RBMS3: variants seen among roughly 807,000 people sequenced by gnomAD.
RBMS3 encodes the protein RNA binding motif single stranded interacting protein 3.
In RBMS3, 27 loss-of-function variants were observed where a neutral mutation model predicts 66.8. That is an observed-to-expected ratio of 0.40 (90% CI 0.30 to 0.56). The LOEUF (loss-of-function observed/expected upper bound fraction) is 0.56. Among genes scored for constraint, RBMS3 ranks in the 20% least tolerant of loss-of-function variants. RBMS3 has a pLI of 0.40. For missense variants in RBMS3, 513 were observed against 549.5 expected, an observed-to-expected ratio of 0.93 and a Z score of 0.66; for synonymous variants, 188 against 183.0, an observed-to-expected ratio of 1.03 and a Z score of -0.22.
At chr3:29,823,757 A>T (rs1174428931) in intron 6 of RBMS3, among the ~76,000 whole-genome samples, 4 of 152,154 alleles carry the variant, frequency 2.6e-5, no homozygotes, top group Non-Finnish European at 5.9e-5. Context: ...AGGTGAACAC[A>T]TGTGCTTATT....
chr3:29,536,166 G>T (rs1344367804), intron 3 of RBMS3, among the ~76,000 whole-genome samples: 1 of 152,042 alleles, frequency 6.6e-6, no homozygotes, highest in African/African-American at 2.4e-5. Flanking sequence ...AAAAATGTCT[G>T]GGAAAGGCAA....
At chr3:29,797,759 G>A (rs181568279) in intron 6 of RBMS3, 3 of 152,234 alleles carry the variant, frequency 2.0e-5, no homozygotes, top group African/African-American at 4.8e-5. Flanking sequence ...AGGTGTGATC[G>A]ATAGGTTAAT....
intron 13 of RBMS3, 56 bp downstream of exon 13, chr3:29,988,279 T>C: frequency 7.0e-7 from 1 of 1,418,674 alleles, no homozygotes. Flanking sequence ...CAGTCACATA[T>C]ACTGTAGTCC....
rs185881506 is a variant in RBMS3, at chr3:29,367,555, A to G, written c.76-67188A>G. Among the ~76,000 whole-genome samples the G allele has an allele frequency of 3.7e-3, 565 of 152,288 alleles. 1 individual carries two copies. Among genetic ancestry groups the G allele is most frequent in the African/African-American group, 0.013 (530 of 41,588 alleles). On this transcript the variant is annotated intron_variant, in intron 1 of 14. Transcript: ENST00000383767. ...TATTGATATTTATAATCAGAAACACATAATAAATAGTATGTTGTTTACAAA... is the reference window on the plus strand; with the variant it reads ...TATTGATATTTATAATCAGAAACACGTAATAAATAGTATGTTGTTTACAAA...
intron 11 of RBMS3, among the ~76,000 whole-genome samples, chr3:29,937,699 G>A (rs1255039989): frequency 2.6e-5 from 4 of 151,850 alleles, no homozygotes; most frequent in South Asian, 2.1e-4. Flanking sequence ...TTTAGAAATC[G>A]TGTCTAAGAT....
At chr3:29,476,612 G>T (rs529684465) in intron 2 of RBMS3, among the ~76,000 whole-genome samples, 1 of 152,090 alleles carries the variant, frequency 6.6e-6, no homozygotes, top group Non-Finnish European at 1.5e-5. Flanking sequence ...GGAGATTAAC[G>T]TATTGACAAA....
At chr3:29,533,471 G>A (rs1311079571) in intron 3 of RBMS3, among the ~76,000 whole-genome samples, 1 of 152,018 alleles carries the variant, frequency 6.6e-6, no homozygotes, top group African/African-American at 2.4e-5. Flanking sequence ...GACACAGTGA[G>A]GCCCTATCTC....
intron 6 of RBMS3, among the ~76,000 whole-genome samples, chr3:29,810,460 C>A (rs772718267): frequency 2.0e-5 from 3 of 152,084 alleles, no homozygotes; most frequent in Non-Finnish European, 4.4e-5. Flanking sequence ...ATTTCAAATG[C>A]ACATATAAAC....
chr3:29,893,570 G>T (rs1007961401), intron 8 of RBMS3, among the ~76,000 whole-genome samples: 4 of 151,468 alleles, frequency 2.6e-5, no homozygotes, highest in African/African-American at 9.7e-5. Context: ...GTGGCCTTGG[G>T]TGCCTCACGT....
intron 6 of RBMS3, among the ~76,000 whole-genome samples, chr3:29,813,213 T>C (rs545906534): frequency 6.6e-6 from 1 of 152,260 alleles, no homozygotes; most frequent in South Asian, 2.1e-4. Context: ...AGGCCATTCT[T>C]TTTTTCAATA....
At chr3:29,443,908 TGAGG>T (rs1252629519) in intron 2 of RBMS3, among the ~76,000 whole-genome samples, 2 of 152,124 alleles carry the variant, frequency 1.3e-5, no homozygotes, top group Non-Finnish European at 2.9e-5. Context: ...TTGAGCATCT[TGAGG>T]GATGACTCCT....
At chr3:29,514,759 G>C (rs2044554995) in intron 3 of RBMS3, among the ~76,000 whole-genome samples, 1 of 144,184 alleles carries the variant, frequency 6.9e-6, no homozygotes, top group Non-Finnish European at 1.5e-5. Flanking sequence ...ATATATATAA[G>C]CATATATACG....
intron 2 of RBMS3, among the ~76,000 whole-genome samples, chr3:29,457,222 G>A (rs1211702671): frequency 6.6e-6 from 1 of 152,144 alleles, no homozygotes; most frequent in East Asian, 1.9e-4. Context: ...TCTTCTAGAT[G>A]TCTCTCGAGT....
chr3:29,623,419 C>T (rs1489521602), intron 4 of RBMS3, among the ~76,000 whole-genome samples: 1 of 151,364 alleles, frequency 6.6e-6, no homozygotes, highest in South Asian at 2.1e-4. Context: ...GGTGAAACCC[C>T]GTCTCTACTA....
chr3:29,949,622 A>G (rs1695545615), intron 12 of RBMS3, among the ~76,000 whole-genome samples: 1 of 151,866 alleles, frequency 6.6e-6, no homozygotes, highest in Non-Finnish European at 1.5e-5. Context: ...CAGAAATATC[A>G]GAAAATCTGA....
chr3:29,422,510 T>A (rs918466731), intron 1 of RBMS3, among the ~76,000 whole-genome samples: 2 of 152,030 alleles, frequency 1.3e-5, no homozygotes, highest in Non-Finnish European at 2.9e-5. Flanking sequence ...GTGCATTGAC[T>A]TAAAATATAC....
chr3:29,325,940 T>C (rs2035310062), intron 1 of RBMS3, among the ~76,000 whole-genome samples: 1 of 152,148 alleles, frequency 6.6e-6, no homozygotes, highest in African/African-American at 2.4e-5. Context: ...TCATATTTCA[T>C]TAATTTCCCC....
chr3:29,707,054 C>T (rs952515617), intron 4 of RBMS3, among the ~76,000 whole-genome samples: 1 of 152,092 alleles, frequency 6.6e-6, no homozygotes, highest in Non-Finnish European at 1.5e-5. Flanking sequence ...GGGGTCTATA[C>T]ATTAATTGTC....
At chr3:29,707,778 A>G (rs1410129401) in intron 4 of RBMS3, among the ~76,000 whole-genome samples, 1 of 152,246 alleles carries the variant, frequency 6.6e-6, no homozygotes, top group African/African-American at 2.4e-5. Flanking sequence ...AAACGAGGGT[A>G]GGAATGGAAA....
Sources: gnomAD v4.1 joint callset for allele counts (sites outside exome capture counted in the v4.1 genomes callset) on GRCh38, gnomAD v4.1.1 for gene constraint, MANE v1.5 for transcripts, NCBI Gene and HGNC (gene_info 2026-07-23, HGNC 2026-07-21) for gene names.